CBLB: variants seen among roughly 807,000 people sequenced by gnomAD.
CBLB encodes E3 ubiquitin-protein ligase CBL-B.
A neutral mutation model predicts 104.9 loss-of-function variants in CBLB; 31 were observed. The ratio of observed to expected loss-of-function variants is 0.30; its 90% CI spans 0.22 to 0.40. CBLB has a LOEUF of 0.40. CBLB is among the 10% of genes least tolerant of loss of function. The pLI is 1.00. For missense variants in CBLB, 1,062 were observed against 1,214.6 expected (o/e 0.87, Z 1.87); for synonymous variants, 440 against 422.6 (o/e 1.04, Z -0.51).
chr3:105,733,346 G>A (rs1576700669), intron 9 of CBLB, among the ~76,000 whole-genome samples: 1 of 145,964 alleles, frequency 6.9e-6, no homozygotes, highest in African/African-American at 2.5e-5. Context: ...GACAGAGCAA[G>A]ACTCTGTCTC....
At chr3:105,663,269 A>G (rs762697302) in intron 18 of CBLB, among the ~76,000 whole-genome samples, 1 of 152,222 alleles carries the variant, frequency 6.6e-6, no homozygotes, top group African/African-American at 2.4e-5. Context: ...CCTAGAAATG[A>G]TAACAAAAAA....
At chr3:105,660,368 T>TC (rs1483467980) in intron 18 of CBLB, among the ~76,000 whole-genome samples, 2 of 151,760 alleles carry the variant, frequency 1.3e-5, no homozygotes, top group African/African-American at 4.8e-5. Context: ...TTTTTTTTTT[T>TC]CCCAGTGGAG....
chr3:105,731,672 C>T (rs942889286), intron 9 of CBLB, among the ~76,000 whole-genome samples: 12 of 152,080 alleles, frequency 7.9e-5, no homozygotes, highest in African/African-American at 2.7e-4. Context: ...AGGCTGTTCT[C>T]GAACTCCTGG....
chr3:105,780,095 TAACCATCTC>T (rs964306503), intron 3 of CBLB, among the ~76,000 whole-genome samples: 38 of 152,072 alleles, frequency 2.5e-4, no homozygotes, highest in African/African-American at 8.4e-4. Flanking sequence ...TCAGGTGATC[TAACCATCTC>T]AACCTCCTGA....
chr3:105,749,856 T>TA (rs1279334233), intron 5 of CBLB: 1 of 191,478 alleles, frequency 5.2e-6, no homozygotes, highest in African/African-American at 2.4e-5. Flanking sequence ...GAAAAAAACA[T>TA]AAACTGTCAA....
chr3:105,751,373 TGAGAGAGAGACAGA>T, intron 5 of CBLB, 75 bp downstream of exon 5: 1 of 864,186 alleles, frequency 1.2e-6, no homozygotes, highest in South Asian at 1.4e-5. Context: ...TGTGTGTGTG[TGAGAGAGAGACAGA>T]GAGAGAGAGA....
At chr3:105,753,046 A>G (rs954248305) in intron 4 of CBLB, among the ~76,000 whole-genome samples, 1 of 152,248 alleles carries the variant, frequency 6.6e-6, no homozygotes, top group African/African-American at 2.4e-5. Context: ...ATGCTAAAGA[A>G]TCTAGAGTGG....
chr3:105,868,756 C>A lies in CBLB; in HGVS notation c.-35G>T, dbSNP rs572732224. On this transcript the variant is annotated 5_prime_UTR_variant, in exon 1 of 19. Coordinates refer to ENST00000394030, the MANE Select transcript of CBLB (RefSeq NM_170662.5). The stretch of plus-strand genomic sequence containing the variant: ...CTTGCCTTTCGGCGCCGTAGCTGTC[C>A]AGAGACACGCGTGTGCGCGGGTCCC... 43 of 989,460 alleles carry A rather than the reference C, an allele frequency of 4.3e-5. No homozygotes were observed. The South Asian group carries it at 1.9e-3, about 44-fold the overall frequency. The allele number at this position is 989,460 out of a possible 1,614,324, so 61.3% of individuals were successfully genotyped here. A position where few individuals can be genotyped will look rare whatever the true frequency, so the allele number is the denominator to read the frequency against.
intron 5 of CBLB, among the ~76,000 whole-genome samples, chr3:105,751,152 C>T (rs2076553499): frequency 6.6e-6 from 1 of 152,102 alleles, no homozygotes; most frequent in Non-Finnish European, 1.5e-5. Context: ...AAAAGATCAA[C>T]AAAATAAAGT....
At chr3:105,698,532 A>C (rs749331041) in intron 12 of CBLB, among the ~76,000 whole-genome samples, 9 of 151,214 alleles carry the variant, frequency 6.0e-5, no homozygotes, top group Admixed American at 1.3e-4. Context: ...TAAAATGGGA[A>C]GATGCTACTA....
chr3:105,801,005 TA>T (rs544585298), intron 3 of CBLB, among the ~76,000 whole-genome samples: 36 of 148,336 alleles, frequency 2.4e-4, no homozygotes, highest in Admixed American at 3.3e-4. Flanking sequence ...CAGCATGCTT[TA>T]AAAAAAAAAA....
intron 8 of CBLB, among the ~76,000 whole-genome samples, chr3:105,734,509 T>C (rs929877540): frequency 6.8e-6 from 1 of 146,358 alleles, no homozygotes; most frequent in African/African-American, 2.5e-5. Context: ...TGCCACATGC[T>C]CATATAATTT....
chr3:105,825,420 T>TA (rs1289563572), intron 3 of CBLB, among the ~76,000 whole-genome samples: 2 of 152,042 alleles, frequency 1.3e-5, no homozygotes, highest in East Asian at 1.9e-4. Flanking sequence ...GAGAGGAAAG[T>TA]AAAAAAACAT....
intron 18 of CBLB, among the ~76,000 whole-genome samples, chr3:105,667,876 T>C (rs2064646695): frequency 6.6e-6 from 1 of 152,134 alleles, no homozygotes. Context: ...AAGGCCTTAA[T>C]AAAAACAGAT....
chr3:105,683,525 G>A (rs1025526582), intron 14 of CBLB, among the ~76,000 whole-genome samples: 4 of 142,666 alleles, frequency 2.8e-5, no homozygotes, highest in African/African-American at 7.7e-5. Context: ...AAAATTTAAC[G>A]TATTAAAATT....
Position 105,702,154 on chromosome 3 carries a change from G to A in CBLB, c.1899C>T (p.Gly633=), listed in dbSNP as rs2069224766. Residue 633 remains glycine, a synonymous_variant, in exon 12 of 19, where the codon GGC becomes GGT. Coordinates refer to ENST00000394030, the MANE Select transcript of CBLB (RefSeq NM_170662.5). ...GTTTCCGCATAAGCACTGGGTCAGA[G>A]CCCACTCTACTGTGCCTTCCATTGA... ...SNVNGRHSRV[G]SDPVLMRKHR... is the part of the protein sequence containing the mutation. 6.2e-7 allele frequency: 1 copy of A among 1,614,162 alleles called. No individual in the cohort carries two copies. The highest frequency in any genetic ancestry group is 8.5e-7 in the Non-Finnish European group (1 of 1,180,010).
intron 3 of CBLB, among the ~76,000 whole-genome samples, chr3:105,794,189 CTTTAA>C (rs1396670546): frequency 1.3e-5 from 2 of 152,102 alleles, no homozygotes; most frequent in Non-Finnish European, 2.9e-5. Context: ...ACTTGTAGTG[CTTTAA>C]TTTAATTATG....
intron 12 of CBLB, among the ~76,000 whole-genome samples, chr3:105,699,412 A>G (rs1049652364): frequency 1.3e-5 from 2 of 152,138 alleles, no homozygotes; most frequent in Non-Finnish European, 2.9e-5. Context: ...TTATTATTCC[A>G]TTTTATATAA....
At chr3:105,731,766 T>G (rs925147108) in intron 9 of CBLB, among the ~76,000 whole-genome samples, 2 of 152,194 alleles carry the variant, frequency 1.3e-5, no homozygotes, top group African/African-American at 4.8e-5. Context: ...GTAAACTATT[T>G]TGTATGATGC....
Sources: gnomAD v4.1 joint callset for allele counts (sites outside exome capture counted in the v4.1 genomes callset) on GRCh38, gnomAD v4.1.1 for gene constraint, MANE v1.5 for transcripts, NCBI Gene and HGNC (gene_info 2026-07-23, HGNC 2026-07-21) for gene names.